PREX1: variants seen among roughly 807,000 people sequenced by gnomAD.
The protein encoded by PREX1 is phosphatidylinositol-3,4,5-trisphosphate dependent Rac exchange factor 1.
A neutral mutation model predicts 198.3 loss-of-function variants in PREX1; 41 were observed. That is an observed-to-expected ratio of 0.21 (90% CI 0.16 to 0.27). The LOEUF (loss-of-function observed/expected upper bound fraction) is 0.27, where lower values mean the gene tolerates loss of function less well. Among genes scored for constraint, PREX1 ranks in the 10% least tolerant of loss-of-function variants. The pLI is 1.00. For synonymous variants in PREX1, 843 were observed against 887.2 expected (o/e 0.95, Z 0.89); for missense variants, 1,620 against 2,200.7 (o/e 0.74, Z 5.28).
At chr20:48,745,927 A>G (rs1163460435) in intron 2 of PREX1, among the ~76,000 whole-genome samples, 2 of 152,220 alleles carry the variant, frequency 1.3e-5, no homozygotes, top group South Asian at 2.1e-4. Context: ...CCCTTCCTGC[A>G]ATGTACAGGA....
At chr20:48,749,669 C>T (rs1452038568) in intron 1 of PREX1, among the ~76,000 whole-genome samples, 1 of 152,188 alleles carries the variant, frequency 6.6e-6, no homozygotes, top group East Asian at 1.9e-4. Context: ...CAATGACAGT[C>T]CACATGGCGA....
chr20:48,781,365 G>GC (rs1212640752), intron 1 of PREX1, among the ~76,000 whole-genome samples: 2 of 152,168 alleles, frequency 1.3e-5, no homozygotes, highest in East Asian at 3.8e-4. Context: ...TACTATATTT[G>GC]CAAGTTTTCT....
the PREX1 span, among the ~76,000 whole-genome samples, chr20:48,847,566 A>G: frequency 6.6e-6 from 1 of 152,190 alleles, no homozygotes; most frequent in Non-Finnish European, 1.5e-5. Context: ...AATTGCCTCT[A>G]TTTCCACCAT....
chr20:48,692,901 G>A, intron 7 of PREX1, 111 bp from the exon 8 acceptor site: 2 of 899,556 alleles, frequency 2.2e-6, no homozygotes, highest in Non-Finnish European at 3.7e-6. Flanking sequence ...GGACAGAGAG[G>A]AGCCCCAGGT....
At chr20:48,704,584 A>C (rs764504485) in intron 6 of PREX1, among the ~76,000 whole-genome samples, 3 of 140,728 alleles carry the variant, frequency 2.1e-5, no homozygotes, top group Non-Finnish European at 4.6e-5. Context: ...TTTTTGATGG[A>C]GTCTAGCTCT....
chr20:48,719,840 G>C (rs2089977834), intron 5 of PREX1, among the ~76,000 whole-genome samples: 1 of 152,034 alleles, frequency 6.6e-6, no homozygotes, highest in Non-Finnish European at 1.5e-5. Flanking sequence ...CACACAGCCA[G>C]AGGGACCCCA....
the PREX1 span, among the ~76,000 whole-genome samples, chr20:48,840,339 CA>C: frequency 0.23 from 25,952 of 111,434 alleles, 2,174 homozygotes; most frequent in African/African-American, 0.26. Flanking sequence ...TAACCTTAAC[CA>C]AAAAAAAAAA....
chr20:48,806,319 A>T (rs1958658966), intron 1 of PREX1, among the ~76,000 whole-genome samples: 2 of 152,204 alleles, frequency 1.3e-5, no homozygotes, highest in South Asian at 2.1e-4. Flanking sequence ...TGGTTGCACA[A>T]CTTGCTCAGA....
chr20:48,795,510 G>C (rs1276958857), intron 1 of PREX1, among the ~76,000 whole-genome samples: 1 of 151,592 alleles, frequency 6.6e-6, no homozygotes, highest in African/African-American at 2.4e-5. Flanking sequence ...GGTAGAGCCA[G>C]GGACGCTCCT....
At chr20:48,834,098 A>G in the PREX1 span, among the ~76,000 whole-genome samples, 22 of 152,196 alleles carry the variant, frequency 1.4e-4, no homozygotes, top group Non-Finnish European at 2.5e-4. Flanking sequence ...CAAAAAAAAA[A>G]AAAATGCAAA....
the PREX1 span, among the ~76,000 whole-genome samples, chr20:48,862,790 A>AAAAAATATATATAT: frequency 9.7e-6 from 1 of 102,584 alleles, no homozygotes; most frequent in African/African-American, 4.4e-5. Flanking sequence ...TAAAAAAAAA[A>AAAAAATATATATAT]ATATATATAT....
intron 18 of PREX1, 134 bp from the exon 19 acceptor site, chr20:48,655,509 CA>C (rs2089536124): frequency 4.4e-6 from 3 of 688,968 alleles, no homozygotes; most frequent in Non-Finnish European, 6.9e-6. Flanking sequence ...GTAGTAGCAC[CA>C]CCAGGCTTTC....
chr20:48,649,249 AT>A lies in PREX1; in HGVS notation c.3305+50del, dbSNP rs1250574262. ...TACCCACAATGTCAGTAAGGCCAGG[AT>A]TGAGAACACCTGCCCCTGCTCACGC... is the stretch of plus-strand genomic sequence containing the variant. On this transcript the variant is annotated intron_variant, in intron 25 of 39. Coordinates refer to ENST00000371941, the MANE Select transcript of PREX1 (RefSeq NM_020820.4). The A allele has an allele frequency of 3.2e-6, 5 of 1,582,412 alleles. No homozygotes were observed. The African/African-American group carries it at 6.7e-5, about 21-fold the overall frequency.
At chr20:48,829,624 T>C (rs1460048900), upstream of PREX1, among the ~76,000 whole-genome samples, 1 of 152,116 alleles carries the variant, frequency 6.6e-6, no homozygotes, top group Non-Finnish European at 1.5e-5. Flanking sequence ...AGGTAGCTGG[T>C]TTTTTATTTA....
Position 48,796,890 on chromosome 20 carries a change from A to G in PREX1, c.219+30752T>C, listed in dbSNP as rs1233863475. On this transcript the variant is annotated intron_variant, in intron 1 of 39. Coordinates refer to ENST00000371941, the MANE Select transcript of PREX1 (RefSeq NM_020820.4). ...TAATTCCATTTTACATAAAGTTCAAAAACAGGCAAAACTAATCTTCGCAGA... is the reference window on the plus strand; with the variant it reads ...TAATTCCATTTTACATAAAGTTCAAGAACAGGCAAAACTAATCTTCGCAGA... Among the ~76,000 whole-genome samples, 3 of 152,116 alleles carry G rather than the reference A, an allele frequency of 2.0e-5. No homozygotes were observed. The East Asian group carries it at 5.8e-4, about 29-fold the overall frequency.
At chr20:48,849,145 G>A in the PREX1 span, among the ~76,000 whole-genome samples, 1 of 151,162 alleles carries the variant, frequency 6.6e-6, no homozygotes, top group African/African-American at 2.4e-5. Context: ...TGGAAACCCG[G>A]AGAAGCATGT....
chr20:48,723,615 G>A (rs898314584), intron 5 of PREX1, among the ~76,000 whole-genome samples: 2 of 152,176 alleles, frequency 1.3e-5, no homozygotes, highest in Admixed American at 6.5e-5. Flanking sequence ...CCGACGGAGC[G>A]CAAGTGGGCA....
chr20:48,721,036 C>T (rs548465575), intron 5 of PREX1, among the ~76,000 whole-genome samples: 2 of 152,210 alleles, frequency 1.3e-5, no homozygotes, highest in African/African-American at 2.4e-5. Flanking sequence ...TGTTGGGGCC[C>T]ACAGTGTTTA....
At chr20:48,865,521 C>T in the PREX1 span, among the ~76,000 whole-genome samples, 1 of 152,186 alleles carries the variant, frequency 6.6e-6, no homozygotes, top group Non-Finnish European at 1.5e-5. Flanking sequence ...ACATTATATG[C>T]TATCCTGATT....
Sources: allele counts gnomAD v4.1 joint callset (sites outside exome capture counted in the v4.1 genomes callset), GRCh38; gene constraint gnomAD v4.1.1; transcripts MANE v1.5; gene names NCBI Gene and HGNC (gene_info 2026-07-23, HGNC 2026-07-21).